Variants in TMEM9 observed in about 807,000 individuals in gnomAD.
The protein encoded by TMEM9 is proton-transporting V-type ATPase complex assembly regulator TMEM9.
TMEM9 carries 13 observed loss-of-function variants against 22.8 expected under a neutral mutation model. The observed-to-expected ratio is 0.57, with a 90% CI of 0.37 to 0.91. The LOEUF is 0.91. Ranked by LOEUF, TMEM9 falls within the 40% of genes least tolerant of loss-of-function variation. The pLI is 0.01. For synonymous variants in TMEM9, 88 were observed against 93.0 expected (o/e 0.95, Z 0.31); for missense variants, 182 against 238.1 (o/e 0.76, Z 1.55).
Position 201,146,910 on chromosome 1 carries a change from A to G in TMEM9, c.159-62T>C. On this transcript the variant is annotated intron_variant, in intron 2 of 4. Transcript: ENST00000367330. ...CACCACGTCTTAGAGCCTCAAGACC[A>G]GAGAAGCAGGTAGCCAGGGGAGCTG... is the stretch of plus-strand genomic sequence containing the variant. 1.3e-6 allele frequency: 2 copies of G among 1,505,260 alleles called. 1 individual carries two copies. The highest frequency in any genetic ancestry group is 1.8e-6 in the Non-Finnish European group (2 of 1,085,532). The allele number at this position is 1,505,260 out of a possible 1,614,324, so 93.2% of individuals were successfully genotyped here.
intron 1 of TMEM9, among the ~76,000 whole-genome samples, chr1:201,165,150 T>TTATATATATATATATATA (rs57281429): frequency 0.023 from 1,971 of 86,358 alleles, 45 homozygotes; most frequent in Non-Finnish European, 0.031. Context: ...TAAGAGAAAA[T>TTATATATATATATATATA]TATATATATA....
intron 4 of TMEM9, among the ~76,000 whole-genome samples, chr1:201,143,533 T>G (rs1664707070): frequency 6.6e-6 from 1 of 152,228 alleles, no homozygotes; most frequent in Non-Finnish European, 1.5e-5. Flanking sequence ...TATGTGTGAC[T>G]GGCTCTGGCT....
intron 3 of TMEM9, 191 bp downstream of exon 3, chr1:201,146,549 G>A: frequency 1.5e-6 from 1 of 688,522 alleles, no homozygotes. Flanking sequence ...TGGAAAGAGA[G>A]CAGAGAAGGG....
intron 4 of TMEM9, among the ~76,000 whole-genome samples, chr1:201,142,223 A>G (rs894504510): frequency 6.6e-6 from 1 of 152,234 alleles, no homozygotes; most frequent in African/African-American, 2.4e-5. Context: ...GGAGCAGTCC[A>G]GGCATGTGCG....
At chr1:201,154,678 T>A (rs889434383), upstream of TMEM9, among the ~76,000 whole-genome samples, 1 of 152,218 alleles carries the variant, frequency 6.6e-6, no homozygotes, top group Admixed American at 6.5e-5. Flanking sequence ...CTTGCCTTTG[T>A]GTGGCCTGAG....
At chr1:201,162,388 C>A (rs1266670382) in intron 1 of TMEM9, among the ~76,000 whole-genome samples, 1 of 151,978 alleles carries the variant, frequency 6.6e-6, no homozygotes, top group Non-Finnish European at 1.5e-5. Flanking sequence ...CCTCCCACCT[C>A]GGCCTCCCAA....
chr1:201,167,870 A>G (rs1666116118), intron 1 of TMEM9, among the ~76,000 whole-genome samples: 1 of 152,222 alleles, frequency 6.6e-6, no homozygotes, highest in Non-Finnish European at 1.5e-5. Flanking sequence ...TTGTGTAAAT[A>G]TAGATATAAA....
intron 1 of TMEM9, among the ~76,000 whole-genome samples, chr1:201,169,276 T>C (rs1478795770): frequency 2.0e-5 from 3 of 152,192 alleles, no homozygotes; most frequent in Non-Finnish European, 2.9e-5. Context: ...TAAAAGTAAC[T>C]GAGGATAGCT....
At chr1:201,168,583 G>A (rs1321045352) in intron 1 of TMEM9, among the ~76,000 whole-genome samples, 1 of 152,138 alleles carries the variant, frequency 6.6e-6, no homozygotes, top group Non-Finnish European at 1.5e-5. Context: ...GCTGGGTGTG[G>A]TGGCGCATGC....
At chr1:201,157,197 T>C (rs1057240498), upstream of TMEM9, among the ~76,000 whole-genome samples, 2 of 152,146 alleles carry the variant, frequency 1.3e-5, no homozygotes, top group African/African-American at 2.4e-5. Context: ...ATACAGGGCA[T>C]CTCAAAAAAA....
chr1:201,154,907 C>G (rs1482072135), upstream of TMEM9, among the ~76,000 whole-genome samples: 1 of 152,172 alleles, frequency 6.6e-6, no homozygotes, highest in Non-Finnish European at 1.5e-5. Flanking sequence ...CGTCTCTACC[C>G]CTACACACAC....
chr1:201,139,582 A>AC (rs1396228373), intron 4 of TMEM9, among the ~76,000 whole-genome samples: 22 of 148,522 alleles, frequency 1.5e-4, no homozygotes, highest in Admixed American at 1.5e-3. Flanking sequence ...CTCCCCCCTT[A>AC]CCCCCCAGCC....
In TMEM9 at chr1:201,135,361, G is replaced by C. The variant is rs182587908; in HGVS notation, c.*302C>G. On this transcript the variant is annotated 3_prime_UTR_variant, in exon 5 of 5. Transcript: ENST00000367330. ...GAAGGCGGCAAGAGTGGAGCCAGGA[G>C]AGACAGATCGCATCCACTCCTGAGG... is the stretch of plus-strand genomic sequence containing the variant. 1 of 250,762 alleles carries C rather than the reference G, an allele frequency of 4.0e-6. No individual in the cohort carries two copies. The highest frequency in any genetic ancestry group is 2.2e-5 in the African/African-American group (1 of 44,880). 15.5% of individuals were successfully genotyped at this position (250,762 alleles called of 1,614,324 possible).
chr1:201,164,312 G>A (rs1413690644), intron 1 of TMEM9, among the ~76,000 whole-genome samples: 3 of 152,308 alleles, frequency 2.0e-5, no homozygotes, highest in South Asian at 2.1e-4. Flanking sequence ...TTATGGAAAC[G>A]TTAATAACCT....
intron 3 of TMEM9, 21 bp from the exon 4 acceptor site, chr1:201,143,972 C>T (rs1164713678): frequency 6.2e-7 from 1 of 1,613,388 alleles, no homozygotes; most frequent in Admixed American, 1.7e-5. Flanking sequence ...GACCGGCGTG[C>T]CTATGAACCA....
intron 1 of TMEM9, among the ~76,000 whole-genome samples, chr1:201,166,016 C>T (rs1359479510): frequency 6.6e-6 from 1 of 152,150 alleles, no homozygotes; most frequent in Non-Finnish European, 1.5e-5. Flanking sequence ...AGACCTTCAG[C>T]TGATAGAAAA....
At chr1:201,150,031 C>T (rs770314856) in intron 2 of TMEM9, among the ~76,000 whole-genome samples, 7 of 152,208 alleles carry the variant, frequency 4.6e-5, no homozygotes, top group Non-Finnish European at 7.3e-5. Flanking sequence ...TAAACTACAG[C>T]CTGAGAGGTC....
chr1:201,157,279 G>A (rs531406104), upstream of TMEM9, among the ~76,000 whole-genome samples: 3 of 152,178 alleles, frequency 2.0e-5, no homozygotes, highest in Non-Finnish European at 4.4e-5. Flanking sequence ...TTATTATGCA[G>A]GTGGTTTCTC....
Position 201,141,531 on chromosome 1 carries a change from C to T in TMEM9, c.399+2289G>A, listed in dbSNP as rs2102236699. Among the ~76,000 whole-genome samples, 4 of 152,236 alleles carry T rather than the reference C, an allele frequency of 2.6e-5. No homozygotes were observed. In the South Asian group the frequency reaches 8.3e-4, roughly 32 times the overall value. ...CACAACCAGCGAGAGTTGGCTGCAC[C>T]CTAGGTCAGGGTATCAAAGAGATTA... On this transcript the variant is annotated intron_variant, in intron 4 of 4. Coordinates refer to ENST00000367330, the MANE Select transcript of TMEM9 (RefSeq NM_001288565.2).
Sources: allele counts gnomAD v4.1 joint callset (sites outside exome capture counted in the v4.1 genomes callset), GRCh38; gene constraint gnomAD v4.1.1; transcripts MANE v1.5; gene names NCBI Gene and HGNC (gene_info 2026-07-23, HGNC 2026-07-21).